The following PRKAG2 variants were observed in gnomAD, a reference collection of about 807,000 sequenced individuals.
PRKAG2 encodes protein kinase AMP-activated non-catalytic subunit gamma 2, also known as 5'-AMP-activated protein kinase subunit gamma-2.
In PRKAG2, 26 loss-of-function variants were observed where a neutral mutation model predicts 69.6. That is an observed-to-expected ratio of 0.37 (90% CI 0.27 to 0.52). PRKAG2 has a LOEUF of 0.52. PRKAG2 is among the 20% of genes least tolerant of loss of function. The pLI, the probability that PRKAG2 is intolerant of heterozygous loss-of-function variation, is 0.90. For synonymous variants in PRKAG2, 293 were observed against 285.0 expected (o/e 1.03, Z -0.28); for missense variants, 557 against 740.0 (o/e 0.75, Z 2.87).
At chr7:151,636,362 T>A (rs148132774) in intron 4 of PRKAG2, among the ~76,000 whole-genome samples, 26 of 152,262 alleles carry the variant, frequency 1.7e-4, no homozygotes, top group Middle Eastern at 3.4e-3. Flanking sequence ...ATTTCCTGTC[T>A]CTATGGATTT....
At chr7:151,581,125 AGAG>A (rs1188577003) in intron 6 of PRKAG2, among the ~76,000 whole-genome samples, 1 of 152,222 alleles carries the variant, frequency 6.6e-6, no homozygotes, top group Non-Finnish European at 1.5e-5. Context: ...AAAAGCTAGC[AGAG>A]GAGAAAAATG....
rs1003039727 is a variant in PRKAG2 at position 151,832,027 on chromosome 7, C to T, written c.114+44480G>A. 3.3e-5 allele frequency among the ~76,000 whole-genome samples: 5 copies of T among 152,176 alleles called. No individual in the cohort carries two copies. In the South Asian group the frequency reaches 6.2e-4, roughly 19 times the overall value. ...CTCAAACTCAGGCCTGGCTGCTGCA[C>T]GAAATCTCCAAGATGGAGGAATCTC... On this transcript the variant is annotated intron_variant, in intron 1 of 15. Coordinates refer to ENST00000287878, the MANE Select transcript of PRKAG2 (RefSeq NM_016203.4).
chr7:151,753,694 A>T (rs181410302), intron 3 of PRKAG2, among the ~76,000 whole-genome samples: 76 of 152,220 alleles, frequency 5.0e-4, no homozygotes, highest in Non-Finnish European at 1.2e-4. Flanking sequence ...TGGAATTACA[A>T]GCGTGAGCCA....
chr7:151,757,823 A>G (rs1293587423), intron 3 of PRKAG2, among the ~76,000 whole-genome samples: 1 of 152,252 alleles, frequency 6.6e-6, no homozygotes, highest in Non-Finnish European at 1.5e-5. Flanking sequence ...CTGAAACAAT[A>G]GAATCGAAAA....
At chr7:151,591,536 C>T (rs1391349694) in intron 6 of PRKAG2, among the ~76,000 whole-genome samples, 1 of 152,176 alleles carries the variant, frequency 6.6e-6, no homozygotes, top group Non-Finnish European at 1.5e-5. Flanking sequence ...ACTGGAGACA[C>T]CCCTCCAATG....
chr7:151,560,304 G>A (rs1279780858), intron 15 of PRKAG2: 1 of 1,450,108 alleles, frequency 6.9e-7, no homozygotes, highest in Non-Finnish European at 9.2e-7. Context: ...GACCTTGATA[G>A]GATGCTCTTA....
intron 5 of PRKAG2, among the ~76,000 whole-genome samples, chr7:151,625,725 C>T (rs1822685980): frequency 6.6e-6 from 1 of 151,874 alleles, no homozygotes; most frequent in African/African-American, 2.4e-5. Flanking sequence ...TGGGAGGATG[C>T]GGGCATTTAT....
chr7:151,808,955 T>C (rs1457686737), intron 1 of PRKAG2, among the ~76,000 whole-genome samples: 1 of 152,142 alleles, frequency 6.6e-6, no homozygotes, highest in Non-Finnish European at 1.5e-5. Flanking sequence ...GGAGCACGGT[T>C]CTCTCCCGCG....
intron 1 of PRKAG2, among the ~76,000 whole-genome samples, chr7:151,820,582 ACACT>A (rs2078745404): frequency 9.1e-6 from 1 of 110,214 alleles, no homozygotes; most frequent in Non-Finnish European, 1.9e-5. Context: ...TCTGCAGGGC[ACACT>A]CTACTCGGAA....
chr7:151,661,366 C>T (rs916527033), intron 4 of PRKAG2, among the ~76,000 whole-genome samples: 3 of 151,162 alleles, frequency 2.0e-5, no homozygotes, highest in African/African-American at 7.3e-5. Flanking sequence ...TTGGTAGAGA[C>T]GGGATTTCAC....
rs1805724938 is a variant in PRKAG2, at chr7:151,564,275, A to C, written c.1438-51T>G. ...ATATCCTTTCATTTCAGTTCACTTC[A>C]ATGACCAAAATTAGTGAGCTTAAGA... On this transcript the variant is annotated intron_variant, in intron 13 of 15. Transcript: ENST00000287878. 7.5e-6 allele frequency: 12 copies of C among 1,597,906 alleles called. No individual in the cohort carries two copies. In the South Asian group the frequency reaches 1.3e-4, roughly 18 times the overall value.
At chr7:151,675,770 G>C in intron 3 of PRKAG2, 133 bp from the exon 4 acceptor site, 1 of 871,268 alleles carries the variant, frequency 1.1e-6, no homozygotes, top group Non-Finnish European at 1.9e-6. Context: ...GGGACGTCGG[G>C]GGCAGTCAGA....
At chr7:151,593,635 T>C (rs1436745395) in intron 6 of PRKAG2, among the ~76,000 whole-genome samples, 4 of 152,220 alleles carry the variant, frequency 2.6e-5, no homozygotes, top group Admixed American at 2.6e-4. Context: ...TCAGAACTTC[T>C]CATTATTTTG....
intron 3 of PRKAG2, among the ~76,000 whole-genome samples, chr7:151,684,696 C>A (rs1031015432): frequency 5.3e-5 from 8 of 152,180 alleles, no homozygotes; most frequent in Non-Finnish European, 1.2e-4. Flanking sequence ...TGCAGCTCAC[C>A]CCTGGCTGAC....
intron 3 of PRKAG2, chr7:151,736,027 A>G (rs1012964126): frequency 6.5e-7 from 1 of 1,535,980 alleles, no homozygotes; most frequent in African/African-American, 1.4e-5. Context: ...GCGACAGGTG[A>G]ACATATCAGG....
intron 1 of PRKAG2, among the ~76,000 whole-genome samples, chr7:151,805,219 G>T (rs1254795102): frequency 6.6e-6 from 1 of 152,176 alleles, no homozygotes; most frequent in Non-Finnish European, 1.5e-5. Context: ...GTCTGCCGCG[G>T]GTGAAACCAG....
intron 3 of PRKAG2, among the ~76,000 whole-genome samples, chr7:151,705,025 T>C (rs1838355522): frequency 1.3e-5 from 2 of 152,218 alleles, no homozygotes; most frequent in South Asian, 2.1e-4. Flanking sequence ...TCAGATACTA[T>C]CTTCTATAGG....
At chr7:151,706,003 C>T (rs4725423) in intron 3 of PRKAG2, among the ~76,000 whole-genome samples, 25,684 of 152,114 alleles carry the variant, frequency 0.17, 3,521 homozygotes, top group African/African-American at 0.37. Flanking sequence ...TTGAGTCTTG[C>T]TCATCAGGGT....
chr7:151,735,797 G>C (rs1008663586), intron 3 of PRKAG2: 16 of 1,419,014 alleles, frequency 1.1e-5, no homozygotes, highest in Middle Eastern at 1.8e-4. Context: ...AGTTGGAAGA[G>C]AGTGGCTGGA....
Sources: allele counts gnomAD v4.1 joint callset (sites outside exome capture counted in the v4.1 genomes callset), GRCh38; gene constraint gnomAD v4.1.1; transcripts MANE v1.5; gene names NCBI Gene and HGNC (gene_info 2026-07-23, HGNC 2026-07-21).